The following UMODL1 variants were observed in gnomAD, a reference collection of about 807,000 sequenced individuals.
UMODL1 encodes the protein uromodulin-like 1.
A neutral mutation model predicts 136.3 loss-of-function variants in UMODL1; 128 were observed. The ratio of observed to expected loss-of-function variants is 0.94; its 90% CI spans 0.81 to 1.09. The LOEUF (loss-of-function observed/expected upper bound fraction) is 1.09, where lower values mean the gene tolerates loss of function less well. Ranked by LOEUF, UMODL1 falls within the 50% of genes least tolerant of loss-of-function variation. The pLI, the probability that UMODL1 is intolerant of heterozygous loss-of-function variation, is 0.00. For synonymous variants in UMODL1, 721 were observed against 720.0 expected (o/e 1.00, Z -0.02); for missense variants, 1,766 against 1,725.6 (o/e 1.02, Z -0.41).
In UMODL1 at chr21:42,121,115, C is replaced by A. The variant is rs199757304; in HGVS notation, c.2718C>A (p.Asp906Glu). The change falls in exon 16 of 23, where the codon GAC becomes GAA. Residue 906 changes from aspartate to glutamate, a missense_variant. Transcript: ENST00000408910. ...QDYDECERKE[D>E]DCVPGTSCRN... is the part of the protein sequence containing the mutation. ...ACGATGAGTGTGAAAGGAAGGAGGA[C>A]GACTGTGTGCCGGGGACATCCTGTC... 6.2e-7 allele frequency: 1 copy of A among 1,613,838 alleles called. No individual in the cohort carries two copies. The highest frequency in any genetic ancestry group is 8.5e-7 in the Non-Finnish European group (1 of 1,179,922).
intron 12 of UMODL1, 44 bp from the exon 13 acceptor site, chr21:42,113,529 A>G (rs2066863398): frequency 3.2e-6 from 5 of 1,581,802 alleles, no homozygotes; most frequent in Non-Finnish European, 4.3e-6. Context: ...TTTCTCCTAG[A>G]AATGGCTTGA....
chr21:42,135,569 AC>A (rs1225693054), intron 21 of UMODL1, among the ~76,000 whole-genome samples: 1 of 151,774 alleles, frequency 6.6e-6, no homozygotes, highest in Non-Finnish European at 1.5e-5. Context: ...TCAGGGCGGC[AC>A]CCCCCCTTGT....
At chr21:42,092,977 G>GAGCC (rs1422035487) in intron 6 of UMODL1, among the ~76,000 whole-genome samples, 1 of 152,172 alleles carries the variant, frequency 6.6e-6, no homozygotes, top group Non-Finnish European at 1.5e-5. Context: ...TCTTCCCTAG[G>GAGCC]AGCCCTCTGG....
At chr21:42,127,989 G>C (rs995946461) in intron 20 of UMODL1, 158 bp downstream of exon 20, 8 of 937,244 alleles carry the variant, frequency 8.5e-6, no homozygotes, top group Non-Finnish European at 1.3e-5. Context: ...GTCTGAAATG[G>C]TATTTCCACG....
intron 9 of UMODL1, among the ~76,000 whole-genome samples, chr21:42,107,342 C>T (rs546120755): frequency 3.3e-5 from 5 of 152,308 alleles, no homozygotes; most frequent in Middle Eastern, 3.4e-3. Context: ...CTGGAATCAA[C>T]GCCGCTTTTC....
In UMODL1 at chr21:42,139,837, G is replaced by A. The variant is rs575842721; in HGVS notation, c.*21+2196G>A. ...GGGTCCTGAGACCCCAGAATACTGC[G>A]CATGTTAGTTACCAGGAGTCCTGGC... On this transcript the variant is annotated intron_variant, in intron 22 of 22. Transcript: ENST00000408910. 6.6e-4 allele frequency among the ~76,000 whole-genome samples: 101 copies of A among 152,300 alleles called. 1 individual carries two copies. In the South Asian group the frequency reaches 0.018, roughly 28 times the overall value.
At position 42,096,217 on chromosome 21, in the gene UMODL1, T is replaced by C. The variant is rs371761205; in HGVS notation, c.932-2709T>C. On this transcript the variant is annotated intron_variant, in intron 6 of 22. Coordinates refer to ENST00000408910, the MANE Select transcript of UMODL1 (RefSeq NM_001004416.3). ...CACTGGAGAAAGGGCCACACAGATA[T>C]TGGATGGGAACATTGTCCTCAGGGA... Among the ~76,000 whole-genome samples, 17 of 152,268 alleles carry C rather than the reference T, an allele frequency of 1.1e-4. 3 individuals are homozygous for C. The highest frequency in any genetic ancestry group is 2.0e-4 in the Admixed American group (3 of 15,296).
intron 2 of UMODL1, among the ~76,000 whole-genome samples, chr21:42,081,984 C>T (rs1232897632): frequency 3.3e-5 from 5 of 152,192 alleles, no homozygotes; most frequent in African/African-American, 4.8e-5. Flanking sequence ...CTGCACCCAA[C>T]GTTCATTTTT....
At chr21:42,111,829 C>T (rs1426193404) in intron 12 of UMODL1, 119 bp downstream of exon 12, 10 of 1,069,188 alleles carry the variant, frequency 9.4e-6, no homozygotes, top group Admixed American at 2.8e-5. Context: ...GCTCAGGCGG[C>T]ATCCTCATCT....
At chr21:42,066,036 A>G (rs1018614794) in intron 1 of UMODL1, among the ~76,000 whole-genome samples, 1 of 152,236 alleles carries the variant, frequency 6.6e-6, no homozygotes, top group Admixed American at 6.5e-5. Flanking sequence ...GGGCGACAGC[A>G]TTCCTGATCG....
intron 1 of UMODL1, among the ~76,000 whole-genome samples, chr21:42,065,163 T>A (rs1167566561): frequency 2.6e-5 from 4 of 152,216 alleles, no homozygotes; most frequent in Non-Finnish European, 5.9e-5. Context: ...CAGGAGTGAC[T>A]GTGCTGGGGC....
rs762422412 is a variant in UMODL1, at chr21:42,109,558, G to A, written c.1520-4G>A. ...TGGGTTTTGATTGTGTCTCCCCCTG[G>A]CAGACTGGGACGAGTGTGTGGACAG... On this transcript the variant is annotated splice_region_variant and splice_polypyrimidine_tract_variant and intron_variant, in intron 9 of 22. Coordinates refer to ENST00000408910, the MANE Select transcript of UMODL1 (RefSeq NM_001004416.3). 5.0e-6 allele frequency: 8 copies of A among 1,610,494 alleles called. No individual in the cohort carries two copies. The highest frequency in any genetic ancestry group is 5.1e-6 in the Non-Finnish European group (6 of 1,179,964).
intron 22 of UMODL1, among the ~76,000 whole-genome samples, chr21:42,141,862 T>C (rs1257912714): frequency 1.3e-5 from 2 of 152,182 alleles, no homozygotes; most frequent in Non-Finnish European, 2.9e-5. Context: ...CCAGTTGGCG[T>C]GTCAGGAGCA....
chr21:42,135,226 CCT>C (rs2067190012), intron 21 of UMODL1, among the ~76,000 whole-genome samples: 1 of 152,232 alleles, frequency 6.6e-6, no homozygotes, highest in Non-Finnish European at 1.5e-5. Context: ...AGATAGATGC[CCT>C]GTTTGGCAGG....
chr21:42,132,900 G>C (rs1256041728), intron 21 of UMODL1, among the ~76,000 whole-genome samples: 1 of 152,148 alleles, frequency 6.6e-6, no homozygotes, highest in Non-Finnish European at 1.5e-5. Context: ...ACTTCATAAA[G>C]AGCCTGGCCC....
chr21:42,118,336 C>T (rs1034675856), intron 14 of UMODL1, among the ~76,000 whole-genome samples: 5 of 152,212 alleles, frequency 3.3e-5, no homozygotes, highest in Admixed American at 6.5e-5. Context: ...GCCCAGAAGC[C>T]GGGAAGTGAG....
chr21:42,098,777 A>G, intron 6 of UMODL1, 149 bp from the exon 7 acceptor site: 1 of 1,286,272 alleles, frequency 7.8e-7, no homozygotes, highest in South Asian at 1.4e-5. Context: ...AAAACAAAAA[A>G]CAAAAAATAG....
intron 15 of UMODL1, 85 bp downstream of exon 15, chr21:42,119,409 A>G: frequency 7.6e-7 from 1 of 1,315,314 alleles, no homozygotes. Context: ...CTTTTGAAAG[A>G]TGTCGTGTTG....
chr21:42,070,002 C>T (rs964162064), upstream of UMODL1, among the ~76,000 whole-genome samples: 1 of 151,962 alleles, frequency 6.6e-6, no homozygotes, highest in African/African-American at 2.4e-5. Flanking sequence ...TGTACGCAGC[C>T]CCTTTGCTGT....
Sources: gnomAD v4.1 joint callset for allele counts (sites outside exome capture counted in the v4.1 genomes callset) on GRCh38, gnomAD v4.1.1 for gene constraint, MANE v1.5 for transcripts, NCBI Gene and HGNC (gene_info 2026-07-23, HGNC 2026-07-21) for gene names.